Variants in ARHGAP24 observed in about 807,000 individuals in gnomAD.
The protein encoded by ARHGAP24 is rho GTPase-activating protein 24.
Under a neutral mutation model 76.4 loss-of-function variants are expected in ARHGAP24, and 50 were observed. The ratio of observed to expected loss-of-function variants is 0.65; its 90% CI spans 0.52 to 0.83. ARHGAP24 has a LOEUF of 0.83. ARHGAP24 is among the 40% of genes least tolerant of loss of function. The pLI is 0.00. For synonymous variants in ARHGAP24, 345 were observed against 323.3 expected, an observed-to-expected ratio of 1.07 and a Z score of -0.72; for missense variants, 930 against 914.2, an observed-to-expected ratio of 1.02 and a Z score of -0.22.
chr4:85,788,997 G>A (rs1006776896), intron 3 of ARHGAP24, among the ~76,000 whole-genome samples: 1 of 152,096 alleles, frequency 6.6e-6, no homozygotes, highest in Admixed American at 6.6e-5. Context: ...AATCTCTAGA[G>A]TGATGAGAGT....
chr4:85,533,644 G>GT (rs1477570120), intron 1 of ARHGAP24, among the ~76,000 whole-genome samples: 1 of 151,958 alleles, frequency 6.6e-6, no homozygotes, highest in Admixed American at 6.6e-5. Flanking sequence ...GGATTATAGG[G>GT]TACTCTTTAT....
chr4:85,480,767 A>C (rs1722784517), intron 1 of ARHGAP24, among the ~76,000 whole-genome samples: 1 of 152,168 alleles, frequency 6.6e-6, no homozygotes, highest in African/African-American at 2.4e-5. Flanking sequence ...ACATTTTAGT[A>C]ACTTTGAAAG....
intron 1 of ARHGAP24, among the ~76,000 whole-genome samples, chr4:85,543,170 A>T (rs1158832551): frequency 6.6e-6 from 1 of 152,210 alleles, no homozygotes; most frequent in Admixed American, 6.5e-5. Context: ...TAAATTGGAA[A>T]GGTATATTGG....
chr4:85,557,257 G>T (rs34375706), intron 1 of ARHGAP24, among the ~76,000 whole-genome samples: 37,576 of 152,082 alleles, frequency 0.25, 6,188 homozygotes, highest in East Asian at 0.79. Flanking sequence ...GCTCAGCTGT[G>T]GATTTGGTTC....
intron 2 of ARHGAP24, among the ~76,000 whole-genome samples, chr4:85,623,093 T>G (rs546870620): frequency 7.9e-5 from 12 of 152,366 alleles, no homozygotes; most frequent in Non-Finnish European, 1.3e-4. Context: ...AGAAGCTCTT[T>G]AGTTTAATTA....
intron 8 of ARHGAP24, among the ~76,000 whole-genome samples, chr4:85,984,292 C>A (rs1322615666): frequency 6.6e-6 from 1 of 152,114 alleles, no homozygotes; most frequent in Non-Finnish European, 1.5e-5. Context: ...ACACCATAGA[C>A]TGGGTAGCTT....
intron 3 of ARHGAP24, among the ~76,000 whole-genome samples, chr4:85,841,685 G>T (rs1730602588): frequency 6.6e-6 from 1 of 152,102 alleles, no homozygotes; most frequent in South Asian, 2.1e-4. Context: ...TTGCTTGATT[G>T]AAATGATGGT....
chr4:85,664,733 A>C (rs1279422568), intron 2 of ARHGAP24, among the ~76,000 whole-genome samples: 1 of 151,742 alleles, frequency 6.6e-6, no homozygotes, highest in East Asian at 1.9e-4. Flanking sequence ...CGTTGGTTTC[A>C]AAGAACATCT....
chr4:85,779,581 T>TA (rs921451897), intron 3 of ARHGAP24, among the ~76,000 whole-genome samples: 7 of 152,172 alleles, frequency 4.6e-5, no homozygotes, highest in Non-Finnish European at 1.0e-4. Context: ...CATTATTTTT[T>TA]AAAAAAATTC....
chr4:85,746,303 A>T (rs940447319), intron 3 of ARHGAP24, among the ~76,000 whole-genome samples: 2 of 152,208 alleles, frequency 1.3e-5, no homozygotes, highest in Non-Finnish European at 2.9e-5. Context: ...AAATTGTGCT[A>T]TGCAGCCCTC....
At chr4:85,527,737 A>C (rs1461579109) in intron 1 of ARHGAP24, among the ~76,000 whole-genome samples, 2 of 151,972 alleles carry the variant, frequency 1.3e-5, no homozygotes, top group Non-Finnish European at 2.9e-5. Flanking sequence ...CATCATTTTG[A>C]ATATAGAAAT....
chr4:85,537,528 TAAATTTTGA>T (rs1388776881), intron 1 of ARHGAP24, among the ~76,000 whole-genome samples: 3 of 152,140 alleles, frequency 2.0e-5, no homozygotes, highest in Admixed American at 2.0e-4. Flanking sequence ...TTCTTCCTGC[TAAATTTTGA>T]AAATTTTCCT....
intron 3 of ARHGAP24, among the ~76,000 whole-genome samples, chr4:85,760,666 C>T (rs994523743): frequency 2.6e-5 from 4 of 152,098 alleles, no homozygotes; most frequent in Non-Finnish European, 4.4e-5. Flanking sequence ...TTGTTTGGAC[C>T]ATAATTGCTA....
chr4:85,885,457 G>T (rs897622917), intron 3 of ARHGAP24, among the ~76,000 whole-genome samples: 34 of 151,930 alleles, frequency 2.2e-4, no homozygotes, highest in African/African-American at 7.7e-4. Flanking sequence ...CCAGTTTGGG[G>T]GTTTTATTAA....
At chr4:85,967,451 A>C (rs1230360974) in intron 5 of ARHGAP24, among the ~76,000 whole-genome samples, 1 of 152,180 alleles carries the variant, frequency 6.6e-6, no homozygotes, top group African/African-American at 2.4e-5. Flanking sequence ...TATAAAATTA[A>C]GTCAATCATA....
chr4:85,641,364 G>C (rs528850386), intron 2 of ARHGAP24, among the ~76,000 whole-genome samples: 2 of 152,224 alleles, frequency 1.3e-5, no homozygotes, highest in South Asian at 4.2e-4. Context: ...GCCATAACAA[G>C]GTACCACAGA....
intron 3 of ARHGAP24, among the ~76,000 whole-genome samples, chr4:85,784,387 T>A (rs1476450384): frequency 6.6e-6 from 1 of 152,092 alleles, no homozygotes. Context: ...TTGTTTTCTC[T>A]CTTAGTCTTT....
intron 3 of ARHGAP24, among the ~76,000 whole-genome samples, chr4:85,915,283 A>G (rs1735317330): frequency 6.6e-6 from 1 of 152,238 alleles, no homozygotes; most frequent in African/African-American, 2.4e-5. Flanking sequence ...AAAAATAGTG[A>G]AATATAAACT....
intron 2 of ARHGAP24, among the ~76,000 whole-genome samples, chr4:85,581,579 T>G (rs772115024): frequency 7.9e-5 from 12 of 152,146 alleles, no homozygotes; most frequent in Non-Finnish European, 1.3e-4. Flanking sequence ...AAGGGTGCAT[T>G]GATTATTTGA....
Sources: gnomAD v4.1 joint callset for allele counts (sites outside exome capture counted in the v4.1 genomes callset) on GRCh38, gnomAD v4.1.1 for gene constraint, MANE v1.5 for transcripts, NCBI Gene and HGNC (gene_info 2026-07-23, HGNC 2026-07-21) for gene names.